GPHN: variants seen among roughly 807,000 people sequenced by gnomAD.
GPHN encodes the protein gephyrin.
GPHN carries 17 observed loss-of-function variants against 95.5 expected under a neutral mutation model. That is an observed-to-expected ratio of 0.18 (90% CI 0.12 to 0.27). The LOEUF (loss-of-function observed/expected upper bound fraction) is 0.27, where lower values mean the gene tolerates loss of function less well. GPHN is among the 10% of genes least tolerant of loss of function. The pLI, the probability that GPHN is intolerant of heterozygous loss-of-function variation, is 1.00. For missense variants in GPHN, 660 were observed against 978.1 expected (o/e 0.67, Z 4.34); for synonymous variants, 320 against 322.5 (o/e 0.99, Z 0.08).
At chr14:66,857,514 A>G (rs2062850481) in intron 4 of GPHN, among the ~76,000 whole-genome samples, 1 of 152,220 alleles carries the variant, frequency 6.6e-6, no homozygotes, top group African/African-American at 2.4e-5. Context: ...ACAATAGAAC[A>G]TGTAAAGCAT....
chr14:66,769,221 C>A (rs1392326485), intron 2 of GPHN, among the ~76,000 whole-genome samples: 1 of 152,036 alleles, frequency 6.6e-6, no homozygotes, highest in Non-Finnish European at 1.5e-5. Context: ...TCTAATCTTT[C>A]ACTTCTTAAA....
the GPHN span, chr14:67,359,550 C>T: frequency 7.8e-7 from 1 of 1,287,610 alleles, no homozygotes; most frequent in Admixed American, 2.0e-5. Context: ...GGGAAAAGCT[C>T]AGGATCCTCC....
the GPHN span, among the ~76,000 whole-genome samples, chr14:67,341,779 G>T: frequency 6.6e-6 from 1 of 152,240 alleles, no homozygotes; most frequent in Admixed American, 6.5e-5. Flanking sequence ...GAAATCGGAT[G>T]GTTGCTGTGT....
At chr14:67,388,149 C>G in the GPHN span, 6 of 923,130 alleles carry the variant, frequency 6.5e-6, no homozygotes, top group Non-Finnish European at 8.9e-6. Context: ...GCTGTCATTT[C>G]ATTAGTGGGA....
the GPHN span, among the ~76,000 whole-genome samples, chr14:67,730,829 C>T: frequency 1.3e-5 from 2 of 152,196 alleles, no homozygotes; most frequent in African/African-American, 2.4e-5. Context: ...GTCTTGAACT[C>T]CTGACGTCAG....
chr14:66,872,794 C>T (rs2063493724), intron 4 of GPHN, among the ~76,000 whole-genome samples: 2 of 151,196 alleles, frequency 1.3e-5, no homozygotes, highest in Non-Finnish European at 2.9e-5. Flanking sequence ...ACTCGGAAGG[C>T]TGAGGTAGGA....
At chr14:66,754,366 T>C (rs1431523936) in intron 2 of GPHN, among the ~76,000 whole-genome samples, 1 of 152,012 alleles carries the variant, frequency 6.6e-6, no homozygotes, top group African/African-American at 2.4e-5. Context: ...TTATACTGAA[T>C]ATTCAATTTA....
chr14:67,509,572 G>A, the GPHN span, among the ~76,000 whole-genome samples: 16 of 152,292 alleles, frequency 1.1e-4, no homozygotes, highest in African/African-American at 3.6e-4. Context: ...ACCCACCTCG[G>A]CCTCCTAAAG....
At chr14:67,317,306 A>G in the GPHN span, 3 of 1,095,358 alleles carry the variant, frequency 2.7e-6, no homozygotes, top group East Asian at 8.1e-5. Context: ...CTGCAAAAAA[A>G]TTTAAAGAAT....
At chr14:67,200,076 T>C in the GPHN span, 1 of 969,872 alleles carries the variant, frequency 1.0e-6, no homozygotes, top group Non-Finnish European at 1.6e-6. Context: ...AACCACCACC[T>C]GGAATGCCTT....
At chr14:66,871,998 G>A (rs375133983) in intron 4 of GPHN, among the ~76,000 whole-genome samples, 13 of 152,004 alleles carry the variant, frequency 8.6e-5, no homozygotes, top group Non-Finnish European at 2.9e-5. Flanking sequence ...AAGTCCTTAC[G>A]TTTTTGTTAG....
chr14:67,622,218 A>G, the GPHN span, among the ~76,000 whole-genome samples: 1 of 152,360 alleles, frequency 6.6e-6, no homozygotes, highest in Middle Eastern at 3.4e-3. Flanking sequence ...TTCTGGTGAC[A>G]TAAGTGCAAA....
At chr14:67,538,577 C>T in the GPHN span, among the ~76,000 whole-genome samples, 1 of 152,134 alleles carries the variant, frequency 6.6e-6, no homozygotes, top group Non-Finnish European at 1.5e-5. Context: ...CTTTAACCTC[C>T]CTTATTTTAT....
the GPHN span, among the ~76,000 whole-genome samples, chr14:67,232,259 C>A: frequency 6.6e-6 from 1 of 152,202 alleles, no homozygotes; most frequent in East Asian, 1.9e-4. Context: ...CCAGCTGTCA[C>A]ATCCTTAGAT....
the GPHN span, chr14:67,467,901 C>T: frequency 6.6e-6 from 1 of 152,078 alleles, no homozygotes; most frequent in Non-Finnish European, 1.5e-5. Context: ...GCATGCAGGG[C>T]CCAAAGTTCA....
chr14:67,443,164 T>C, the GPHN span, among the ~76,000 whole-genome samples: 24 of 152,102 alleles, frequency 1.6e-4, no homozygotes, highest in South Asian at 5.0e-3. Flanking sequence ...GAGGATACAC[T>C]GAGCTATGAC....
the GPHN span, chr14:67,576,649 A>G: frequency 3.7e-6 from 2 of 546,836 alleles, no homozygotes; most frequent in Non-Finnish European, 6.5e-6. This position sits in a 1 kb window ranked among gnomAD's most constrained non-coding sequence, Gnocchi z 4.0. Context: ...TCCAAGCTCC[A>G]GGGCCCCTCT....
chr14:66,984,771 T>C (rs923338050), intron 9 of GPHN, among the ~76,000 whole-genome samples: 1 of 152,120 alleles, frequency 6.6e-6, no homozygotes, highest in Admixed American at 6.6e-5. Flanking sequence ...CTGGTCTGAA[T>C]TGAGACCTCA....
At chr14:66,656,636 A>G (rs2065322808) in intron 1 of GPHN, among the ~76,000 whole-genome samples, 1 of 152,116 alleles carries the variant, frequency 6.6e-6, no homozygotes, top group Admixed American at 6.5e-5. Flanking sequence ...TAATTCTCAC[A>G]ATATTTTAAA....
Sources: allele counts gnomAD v4.1 joint callset (sites outside exome capture counted in the v4.1 genomes callset), GRCh38; gene constraint gnomAD v4.1.1; non-coding constraint Gnocchi (gnomAD v3.1); transcripts MANE v1.5; gene names NCBI Gene and HGNC (gene_info 2026-07-23, HGNC 2026-07-21).